The following CEP95 variants were observed in gnomAD, a reference collection of about 807,000 sequenced individuals.
The protein encoded by CEP95 is centrosomal protein of 95 kDa.
In CEP95, 98 loss-of-function variants were observed where a neutral mutation model predicts 111.2. That is an observed-to-expected ratio of 0.88 (90% confidence interval 0.75 to 1.04). The LOEUF (loss-of-function observed/expected upper bound fraction) is 1.04, where lower values mean the gene tolerates loss of function less well. Ranked by LOEUF, CEP95 falls within the 50% of genes least tolerant of loss-of-function variation. CEP95 has a pLI of 0.00. For synonymous variants in CEP95, 323 were observed against 327.1 expected, an observed-to-expected ratio of 0.99 and a Z score of 0.14; for missense variants, 1,027 against 977.2, an observed-to-expected ratio of 1.05 and a Z score of -0.68.
In CEP95 at chr17:64,533,156, C is replaced by CGG. The variant is rs2144536364; in HGVS notation, c.1882_1883insGG (p.Leu628ArgfsTer25). 1.9e-6 allele frequency: 3 copies of CGG among 1,592,380 alleles called. No homozygotes were observed. In the East Asian group the frequency reaches 6.7e-5, roughly 36 times the overall value. ...AAGAAGGCATGACCTCCTTACTACC[C>CGG]TTGTCAAGAAAGAATATGAACATAA... On this transcript the variant is annotated frameshift_variant, in exon 16 of 20. Transcript: ENST00000556440. LOFTEE classifies it high-confidence loss of function.
chr17:64,515,354 T>A (rs2144377808), intron 4 of CEP95, among the ~76,000 whole-genome samples: 1 of 152,332 alleles, frequency 6.6e-6, no homozygotes, highest in East Asian at 1.9e-4. Context: ...TAGGTATTTG[T>A]ATGCTGTGTA....
chr17:64,521,577 G>T, intron 7 of CEP95, 50 bp downstream of exon 7: 1 of 1,568,902 alleles, frequency 6.4e-7, no homozygotes, highest in African/African-American at 1.4e-5. Flanking sequence ...CATTCTTGGG[G>T]CAATTGTTGT....
intron 12 of CEP95, 53 bp from the exon 13 acceptor site, chr17:64,530,873 T>C: frequency 9.5e-7 from 1 of 1,048,128 alleles, no homozygotes; most frequent in Non-Finnish European, 1.4e-6. Context: ...GCCATGGTGC[T>C]GCCCGTTGTG....
Position 64,519,348 on chromosome 17 carries a change from C to T in CEP95, c.501C>T (p.Gly167=), listed in dbSNP as rs1555677143. ...GCTCCTTGTCTTCTGAGATGTTGGG[C>T]CCCTCTTGGGATGGAGATGAAGCAG... ...GRCSLSSEML[G]PSWDGDEAES... Residue 167 remains glycine (G), a synonymous_variant, in exon 6 of 20, where the codon GGC becomes GGT. Coordinates refer to ENST00000556440, the MANE Select transcript of CEP95 (RefSeq NM_138363.3). 2 of 1,613,594 alleles carry T rather than the reference C, an allele frequency of 1.2e-6. No individual in the cohort carries two copies. Among genetic ancestry groups the T allele is most frequent in the East Asian group, 4.5e-5 (2 of 44,882 alleles).
intron 16 of CEP95, 137 bp from the exon 17 acceptor site, chr17:64,534,448 G>C (rs1968506770): frequency 1.4e-6 from 1 of 707,510 alleles, no homozygotes. Flanking sequence ...AGGCTGAAGG[G>C]CTTCTGGGGC....
intron 6 of CEP95, among the ~76,000 whole-genome samples, chr17:64,520,146 G>C (rs1396864598): frequency 2.0e-5 from 3 of 151,966 alleles, no homozygotes. Flanking sequence ...GAATCAGATG[G>C]ATTGATTGGG....
At chr17:64,508,564 A>G (rs1385543796) in intron 1 of CEP95, 28 bp from the exon 2 acceptor site, 4 of 1,350,868 alleles carry the variant, frequency 3.0e-6, no homozygotes, top group Admixed American at 2.9e-5. Context: ...GGTTTTTAAG[A>G]CTGATCTTTC....
Position 64,522,884 on chromosome 17 carries a change from GA to G in CEP95, c.900del (p.Glu300AspfsTer6). 6.2e-7 allele frequency: 1 copy of G among 1,608,266 alleles called. No individual in the cohort carries two copies. Among genetic ancestry groups the G allele is most frequent in the Non-Finnish European group, 8.5e-7 (1 of 1,177,408 alleles). ...CGTAAATTCTACTGGAGAGCATACG[GA>G]ATTTTCTGGGGTAAGTGGAAAAGCT... Reference protein sequence around the residue: ...PAVNSTGEHTEFSGDLDDGLF... With the variant: ...PAVNSTGEHTXFSGDLDDGLF... On this transcript the variant is annotated frameshift_variant, in exon 8 of 20. Transcript: ENST00000556440. LOFTEE classifies it high-confidence loss of function.
intron 17 of CEP95, chr17:64,535,075 A>T: frequency 3.1e-6 from 1 of 322,520 alleles, no homozygotes; most frequent in Non-Finnish European, 6.0e-6. Context: ...TGCATTCCAC[A>T]TAAAATCAGG....
rs376949691 is a variant in CEP95 at position 64,534,660 on chromosome 17, C to A, written c.1993C>A (p.Arg665Ser). ...KIKENRQQIV[R>S]ARKYYDDYRV... Reference sequence around the variant, plus strand: ...AAAAGAAAATCGACAGCAAATCGTTCGTGCTCGAAAATATTATGATGATTA... The same window carrying A: ...AAAAGAAAATCGACAGCAAATCGTTAGTGCTCGAAAATATTATGATGATTA... The change falls in exon 17 of 20, where the codon CGT (arginine) becomes AGT (serine). Residue 665 changes from arginine (R) to serine (S), a missense_variant. Arg to Ser is a moderately radical substitution (Grantham distance 110, BLOSUM62 -1). Coordinates refer to ENST00000556440, the MANE Select transcript of CEP95 (RefSeq NM_138363.3). The A allele has an allele frequency of 1.9e-6, 3 of 1,613,570 alleles. No individual in the cohort carries two copies. Among genetic ancestry groups the A allele is most frequent in the Non-Finnish European group, 2.5e-6 (3 of 1,179,666 alleles).
In CEP95 at chr17:64,534,163, G is replaced by A. The variant is rs139776148; in HGVS notation, c.1918-422G>A. On this transcript the variant is annotated intron_variant, in intron 16 of 19. Coordinates refer to ENST00000556440, the MANE Select transcript of CEP95 (RefSeq NM_138363.3). ...CCTACATAAGAGGCTTTATGTACAT[G>A]ACCCCATTTTATTTTCACTCCTTTG... The A allele has an allele frequency of 6.0e-5, 11 of 182,820 alleles. No individual in the cohort carries two copies. The East Asian group carries it at 1.5e-3, about 25-fold the overall frequency. 11.3% of individuals were successfully genotyped at this position (182,820 alleles called of 1,614,324 possible). A position where few individuals can be genotyped will look rare whatever the true frequency, so the allele number is the denominator to read the frequency against.
intron 11 of CEP95, 55 bp from the exon 12 acceptor site, chr17:64,529,233 A>C (rs1968086964): frequency 6.5e-6 from 10 of 1,538,916 alleles, no homozygotes; most frequent in Non-Finnish European, 7.9e-6. Flanking sequence ...TTTGGTTTCC[A>C]GCATAACATT....
intron 1 of CEP95, chr17:64,507,466 C>T: frequency 1.6e-6 from 2 of 1,283,022 alleles, no homozygotes; most frequent in South Asian, 2.0e-5. Flanking sequence ...ACTATGGGCC[C>T]TGAGGTCGTA....
At chr17:64,508,324 A>C in intron 1 of CEP95, 1 of 1,000,574 alleles carries the variant, frequency 1.0e-6, no homozygotes, top group Non-Finnish European at 1.2e-6. Flanking sequence ...TTAAGATTTT[A>C]GGCTGCAACA....
At chr17:64,524,144 G>A (rs1173306597) in intron 8 of CEP95, among the ~76,000 whole-genome samples, 1 of 152,120 alleles carries the variant, frequency 6.6e-6, no homozygotes, top group East Asian at 1.9e-4. Flanking sequence ...AATCATAGTG[G>A]GGGTTTTAGA....
chr17:64,509,198 A>G (rs1317544917), intron 2 of CEP95, among the ~76,000 whole-genome samples: 1 of 152,224 alleles, frequency 6.6e-6, no homozygotes, highest in Non-Finnish European at 1.5e-5. Context: ...ACAGTTAATA[A>G]GCGCATATGT....
At chr17:64,515,544 G>A (rs1373170150) in intron 4 of CEP95, among the ~76,000 whole-genome samples, 2 of 152,154 alleles carry the variant, frequency 1.3e-5, no homozygotes, top group African/African-American at 4.8e-5. Context: ...GAAGAGAGGA[G>A]GAGGCAACTG....
At position 64,530,927 on chromosome 17, in the gene CEP95, C is replaced by T. The variant is rs369950379; in HGVS notation, c.1448C>T (p.Ala483Val). Residue 483 changes from alanine to valine, a missense_variant and splice_region_variant, in exon 13 of 20, where the codon GCG becomes GTG. Coordinates refer to ENST00000556440, the MANE Select transcript of CEP95 (RefSeq NM_138363.3). ...ETDVRQFQAQ[A>V]FTEAFERELR... Reference sequence around the variant, plus strand: ...AATATATGACCTTTTCCCCTTTAGGCGTTTACTGAAGCATTTGAAAGGGAA... The same window carrying T: ...AATATATGACCTTTTCCCCTTTAGGTGTTTACTGAAGCATTTGAAAGGGAA... 1.1e-5 allele frequency: 17 copies of T among 1,534,112 alleles called. No homozygotes were observed. Among genetic ancestry groups the T allele is most frequent in the South Asian group, 3.6e-5 (3 of 82,330 alleles).
intron 16 of CEP95, 125 bp downstream of exon 16, chr17:64,533,316 C>T (rs929070924): frequency 1.3e-6 from 1 of 785,110 alleles, no homozygotes; most frequent in Non-Finnish European, 2.0e-6. Context: ...GGAAGTGTTG[C>T]CTAGGTCTTT....
Sources: gnomAD v4.1 joint callset for allele counts (sites outside exome capture counted in the v4.1 genomes callset) on GRCh38, gnomAD v4.1.1 for gene constraint, MANE v1.5 for transcripts, NCBI Gene and HGNC (gene_info 2026-07-23, HGNC 2026-07-21) for gene names.